ENPEP: variants seen among roughly 807,000 people sequenced by gnomAD.
ENPEP encodes glutamyl aminopeptidase, also known as AP-A.
In ENPEP, 103 loss-of-function variants were observed where a neutral mutation model predicts 114.5. The observed-to-expected ratio is 0.90, with a 90% CI of 0.77 to 1.06. The LOEUF (loss-of-function observed/expected upper bound fraction) is 1.06, where lower values mean the gene tolerates loss of function less well. Ranked by LOEUF, ENPEP falls within the 50% of genes least tolerant of loss-of-function variation. The pLI, the probability that ENPEP is intolerant of heterozygous loss-of-function variation, is 0.00. For synonymous variants in ENPEP, 420 were observed against 422.0 expected, an observed-to-expected ratio of 1.00 and a Z score of 0.06; for missense variants, 1,196 against 1,161.3, an observed-to-expected ratio of 1.03 and a Z score of -0.43.
intron 18 of ENPEP, among the ~76,000 whole-genome samples, chr4:110,557,005 G>A (rs1448278517): frequency 3.9e-5 from 6 of 152,076 alleles, no homozygotes; most frequent in East Asian, 1.9e-4. Flanking sequence ...TTTATTATAC[G>A]TAAATTATTA....
Position 110,549,394 on chromosome 4 carries a change from A to G in ENPEP, c.2200A>G (p.Asn734Asp). The part of the protein sequence containing the change: ...VKPIADSLGW[N>D]DAGDHVTKLL... The stretch of plus-strand genomic sequence containing the variant: ...GCCTATTGCAGATTCTCTGGGATGG[A>G]ATGATGCTGGAGACCATGTCACAAA... The change falls in exon 15 of 20, where the codon AAT becomes GAT. Residue 734 changes from asparagine (N) to aspartate (D), a missense_variant. Transcript: ENST00000265162. 3 of 1,613,326 alleles carry G rather than the reference A, an allele frequency of 1.9e-6. No individual in the cohort carries two copies. Among genetic ancestry groups the G allele is most frequent in the Non-Finnish European group, 2.5e-6 (3 of 1,179,496 alleles).
At chr4:110,548,991 T>A (rs529944640) in intron 14 of ENPEP, among the ~76,000 whole-genome samples, 24 of 152,212 alleles carry the variant, frequency 1.6e-4, no homozygotes, top group Admixed American at 1.2e-3. Flanking sequence ...TTGTAAAACC[T>A]AAAGCAATAT....
chr4:110,508,211 A>G (rs1185170855), intron 4 of ENPEP, among the ~76,000 whole-genome samples: 1 of 147,458 alleles, frequency 6.8e-6, no homozygotes, highest in East Asian at 2.0e-4. Flanking sequence ...TTCTGCATTT[A>G]TTAGACTCCA....
chr4:110,526,409 T>C (rs1477570876), intron 10 of ENPEP, among the ~76,000 whole-genome samples: 1 of 152,208 alleles, frequency 6.6e-6, no homozygotes, highest in African/African-American at 2.4e-5. Context: ...GCACTTCAGA[T>C]GCATTTTATT....
chr4:110,495,862 C>G (rs1299245763), intron 3 of ENPEP, among the ~76,000 whole-genome samples: 1 of 152,082 alleles, frequency 6.6e-6, no homozygotes, highest in Admixed American at 6.6e-5. Context: ...TGTGCAAAAA[C>G]AAGAAATTAC....
At chr4:110,527,668 T>C (rs1726247718) in intron 10 of ENPEP, among the ~76,000 whole-genome samples, 1 of 152,230 alleles carries the variant, frequency 6.6e-6, no homozygotes, top group Admixed American at 6.5e-5. Flanking sequence ...ATAAAGTGTT[T>C]CTTTTATAGT....
Position 110,561,679 on chromosome 4 carries a change from A to C in ENPEP, c.*121A>C, listed in dbSNP as rs978801023. ...TAAACAGATAATGCTTTTACTAAGC[A>C]CTGTGTTTATATGTCTTGCAAAGCC... On this transcript the variant is annotated 3_prime_UTR_variant, in exon 20 of 20. Transcript: ENST00000265162. The C allele has an allele frequency of 1.1e-6, 1 of 933,578 alleles. No homozygotes were observed. The highest frequency in any genetic ancestry group is 1.6e-6 in the Non-Finnish European group (1 of 634,036). 57.8% of individuals were successfully genotyped at this position (933,578 alleles called of 1,614,324 possible).
intron 3 of ENPEP, among the ~76,000 whole-genome samples, chr4:110,504,408 G>A (rs1725282670): frequency 6.6e-6 from 1 of 152,168 alleles, no homozygotes; most frequent in African/African-American, 2.4e-5. Flanking sequence ...CATTGCAGCA[G>A]CCATGGCAGA....
rs771099200 is a variant in ENPEP at position 110,520,382 on chromosome 4, G to T, written c.1727+16G>T. On this transcript the variant is annotated intron_variant, in intron 10 of 19. Transcript: ENST00000265162. ...CAGATCTTGGGTAAGGCTCTATAAT[G>T]CATTGAAAAAAACACAGAAATTTGG... The T allele has an allele frequency of 4.3e-6, 7 of 1,611,390 alleles. No individual in the cohort carries two copies. Among genetic ancestry groups the T allele is most frequent in the Non-Finnish European group, 4.2e-6 (5 of 1,178,736 alleles).
intron 3 of ENPEP, among the ~76,000 whole-genome samples, chr4:110,500,479 T>G (rs1725112611): frequency 6.6e-6 from 1 of 152,202 alleles, no homozygotes; most frequent in Non-Finnish European, 1.5e-5. Context: ...GAAGTTACTG[T>G]CTTCAAAAAG....
At chr4:110,542,709 C>T in intron 11 of ENPEP, 42 bp from the exon 12 acceptor site, 1 of 1,557,772 alleles carries the variant, frequency 6.4e-7, no homozygotes, top group Non-Finnish European at 8.7e-7. Flanking sequence ...GTTGACAGTG[C>T]ATGCAAACAT....
rs1724099936 is a variant in ENPEP, at chr4:110,476,441, T to C, written c.27T>C (p.Ser9=). Residue 9 remains serine (S), a synonymous_variant, in exon 1 of 20, where the codon TCT becomes TCC. Coordinates refer to ENST00000265162, the MANE Select transcript of ENPEP (RefSeq NM_001977.4). MNFAEREG[S]KRYCIQTKHV... ...TGAACTTTGCGGAGAGAGAGGGCTC[T>C]AAGAGATACTGCATTCAAACGAAAC... is the stretch of plus-strand genomic sequence containing the variant. 1 of 1,536,934 alleles carries C rather than the reference T, an allele frequency of 6.5e-7. No individual in the cohort carries two copies. Among genetic ancestry groups the C allele is most frequent in the African/African-American group, 1.4e-5 (1 of 72,760 alleles).
At chr4:110,543,889 T>G (rs1351622269) in intron 13 of ENPEP, among the ~76,000 whole-genome samples, 1 of 152,100 alleles carries the variant, frequency 6.6e-6, no homozygotes, top group East Asian at 1.9e-4. Flanking sequence ...TAATATTTTA[T>G]TGTTATTGTT....
At chr4:110,501,774 C>G (rs1725166069) in intron 3 of ENPEP, among the ~76,000 whole-genome samples, 1 of 152,146 alleles carries the variant, frequency 6.6e-6, no homozygotes, top group African/African-American at 2.4e-5. Context: ...TACGGCAGAA[C>G]AGTTTATATT....
Position 110,544,980 on chromosome 4 carries a change from C to T in ENPEP, c.2000+1910C>T, listed in dbSNP as rs142231511. Among the ~76,000 whole-genome samples, 191 of 152,178 alleles carry T rather than the reference C, an allele frequency of 1.3e-3. 3 individuals carry two copies. The Middle Eastern group carries it at 0.014, about 11-fold the overall frequency. On this transcript the variant is annotated intron_variant, in intron 13 of 19. Coordinates refer to ENST00000265162, the MANE Select transcript of ENPEP (RefSeq NM_001977.4). ...AAAATACCTGTGCTATCACCTGGCT[C>T]AATGAGGTTCTGCAGCACATGAGGA...
rs1265232918 is a variant in ENPEP at position 110,553,458 on chromosome 4, G to A, written c.2642+3G>A. ...AACTGGGACTATCTAGTCAACAGGT[G>A]GGATGATCTGATGATGGTCTGCTGT... On this transcript the variant is annotated splice_donor_region_variant and intron_variant, in intron 18 of 19. Coordinates refer to ENST00000265162, the MANE Select transcript of ENPEP (RefSeq NM_001977.4). 1.2e-6 allele frequency: 2 copies of A among 1,605,582 alleles called. No individual in the cohort carries two copies. Among genetic ancestry groups the A allele is most frequent in the Non-Finnish European group, 1.7e-6 (2 of 1,174,730 alleles).
At chr4:110,547,996 C>T (rs1727130335) in intron 13 of ENPEP, among the ~76,000 whole-genome samples, 180 bp from the exon 14 acceptor site, 1 of 151,904 alleles carries the variant, frequency 6.6e-6, no homozygotes, top group African/African-American at 2.4e-5. Flanking sequence ...TAATTTCGGA[C>T]AAAACTTTTT....
At chr4:110,535,579 G>C (rs1726584061) in intron 11 of ENPEP, among the ~76,000 whole-genome samples, 1 of 152,180 alleles carries the variant, frequency 6.6e-6, no homozygotes, top group Non-Finnish European at 1.5e-5. Context: ...ACATACAAGA[G>C]ATTAACTAAG....
Position 110,561,822 on chromosome 4 carries a change from A to C in ENPEP, c.*264A>C. The C allele has an allele frequency of 3.7e-6, 1 of 267,928 alleles. No individual in the cohort carries two copies. Among genetic ancestry groups the C allele is most frequent in the Non-Finnish European group, 6.9e-6 (1 of 143,926 alleles). The allele number at this position is 267,928 out of a possible 1,614,324, so 16.6% of individuals were successfully genotyped here. A position where few individuals can be genotyped will look rare whatever the true frequency, so the allele number is the denominator to read the frequency against. On this transcript the variant is annotated 3_prime_UTR_variant, in exon 20 of 20. Coordinates refer to ENST00000265162, the MANE Select transcript of ENPEP (RefSeq NM_001977.4). ...CTTTACAAACTGAAGATAATGAAAT[A>C]GTTATTTTAATACCTTTAAATATCA... is the stretch of plus-strand genomic sequence containing the variant.
Sources: allele counts gnomAD v4.1 joint callset (sites outside exome capture counted in the v4.1 genomes callset), GRCh38; gene constraint gnomAD v4.1.1; transcripts MANE v1.5; gene names NCBI Gene and HGNC (gene_info 2026-07-23, HGNC 2026-07-21).